SPOCK1: variants seen among roughly 807,000 people sequenced by gnomAD.
SPOCK1 encodes testican-1.
Under a neutral mutation model 55.3 loss-of-function variants are expected in SPOCK1, and 23 were observed. That is an observed-to-expected ratio of 0.42 (90% CI 0.30 to 0.59). The LOEUF (loss-of-function observed/expected upper bound fraction) is 0.59, where lower values mean the gene tolerates loss of function less well. Among genes scored for constraint, SPOCK1 ranks in the 20% least tolerant of loss-of-function variants. The pLI is 0.22. For synonymous variants in SPOCK1, 226 were observed against 221.0 expected (o/e 1.02, Z -0.20); for missense variants, 499 against 552.5 (o/e 0.90, Z 0.97).
chr5:137,239,613 G>C (rs1205874838), intron 3 of SPOCK1, among the ~76,000 whole-genome samples: 1 of 152,058 alleles, frequency 6.6e-6, no homozygotes, highest in East Asian at 1.9e-4. Context: ...TGTCAGAATT[G>C]AACTGAATTG....
chr5:136,986,085 C>A (rs1200881058), intron 8 of SPOCK1, among the ~76,000 whole-genome samples: 5 of 152,146 alleles, frequency 3.3e-5, no homozygotes, highest in Non-Finnish European at 7.3e-5. Flanking sequence ...GCTACCTGGT[C>A]TTGCTGCTTG....
At chr5:136,991,967 T>G (rs1335839444) in intron 7 of SPOCK1, among the ~76,000 whole-genome samples, 1 of 152,210 alleles carries the variant, frequency 6.6e-6, no homozygotes, top group African/African-American at 2.4e-5. Context: ...GTCTGACTAT[T>G]GTACAAAAAG....
intron 2 of SPOCK1, among the ~76,000 whole-genome samples, chr5:137,301,996 T>C (rs925163126): frequency 6.6e-5 from 10 of 152,088 alleles, no homozygotes; most frequent in African/African-American, 2.4e-4. Flanking sequence ...TCTAAAACAA[T>C]GTGCTTTCAA....
At chr5:137,222,386 A>G (rs1755872601) in intron 3 of SPOCK1, among the ~76,000 whole-genome samples, 1 of 152,234 alleles carries the variant, frequency 6.6e-6, no homozygotes, top group South Asian at 2.1e-4. Context: ...CCAGTAGCTA[A>G]TAAGAGCATT....
intron 2 of SPOCK1, among the ~76,000 whole-genome samples, chr5:137,347,486 T>A (rs2127159145): frequency 6.6e-6 from 1 of 152,142 alleles, no homozygotes; most frequent in South Asian, 2.1e-4. Flanking sequence ...TCCCAGCACT[T>A]TGGGAGGCAG....
At chr5:137,330,197 C>CAGT (rs1426167914) in intron 2 of SPOCK1, among the ~76,000 whole-genome samples, 1 of 152,180 alleles carries the variant, frequency 6.6e-6, no homozygotes, top group African/African-American at 2.4e-5. Flanking sequence ...TATCTCCACT[C>CAGT]AGTACCTTTG....
chr5:137,484,563 G>C (rs1249832948), intron 2 of SPOCK1, among the ~76,000 whole-genome samples: 1 of 152,152 alleles, frequency 6.6e-6, no homozygotes, highest in African/African-American at 2.4e-5. Context: ...GATACCCGTG[G>C]CTGGAAAAGT....
At chr5:137,012,550 C>A (rs920558253) in intron 6 of SPOCK1, among the ~76,000 whole-genome samples, 2 of 152,130 alleles carry the variant, frequency 1.3e-5, no homozygotes, top group African/African-American at 4.8e-5. Context: ...GGGGAAGTGA[C>A]ATAACCAGTG....
At chr5:137,135,318 C>A (rs778017728) in intron 4 of SPOCK1, among the ~76,000 whole-genome samples, 2 of 152,124 alleles carry the variant, frequency 1.3e-5, no homozygotes, top group Admixed American at 1.3e-4. Flanking sequence ...CTCTGCCCCA[C>A]GATCTCCCAC....
intron 3 of SPOCK1, among the ~76,000 whole-genome samples, chr5:137,254,415 T>G (rs1357470759): frequency 6.6e-6 from 1 of 152,202 alleles, no homozygotes; most frequent in Non-Finnish European, 1.5e-5. Context: ...AAAAAAAATT[T>G]ATAAACTCCA....
chr5:137,203,840 TCTACTTCATCAATTAATCAAG>T (rs1755471826), intron 3 of SPOCK1, among the ~76,000 whole-genome samples: 1 of 152,222 alleles, frequency 6.6e-6, no homozygotes, highest in Non-Finnish European at 1.5e-5. Context: ...CATAACTGTC[TCTACTTCATCAATTAATCAAG>T]CTGATTGGAG....
intron 2 of SPOCK1, among the ~76,000 whole-genome samples, chr5:137,371,502 C>T (rs1268172555): frequency 6.6e-6 from 1 of 152,208 alleles, no homozygotes; most frequent in East Asian, 1.9e-4. Flanking sequence ...TTCTACAAAG[C>T]AGTTTGCAGT....
At chr5:137,019,365 A>G (rs1215245792) in intron 6 of SPOCK1, among the ~76,000 whole-genome samples, 1 of 152,164 alleles carries the variant, frequency 6.6e-6, no homozygotes, top group Non-Finnish European at 1.5e-5. Context: ...GTATGTGTGT[A>G]TCATGTTATA....
intron 3 of SPOCK1, among the ~76,000 whole-genome samples, chr5:137,258,594 G>C (rs1403415487): frequency 6.6e-6 from 1 of 152,102 alleles, no homozygotes; most frequent in East Asian, 1.9e-4. Flanking sequence ...CCAAACCAAG[G>C]CTGGTTCATT....
intron 2 of SPOCK1, among the ~76,000 whole-genome samples, chr5:137,402,279 T>A (rs981857880): frequency 3.9e-5 from 6 of 152,290 alleles, no homozygotes; most frequent in African/African-American, 1.2e-4. Flanking sequence ...GATACAACCA[T>A]TGTAGATACT....
At chr5:137,392,526 G>C (rs1751747696) in intron 2 of SPOCK1, among the ~76,000 whole-genome samples, 1 of 152,200 alleles carries the variant, frequency 6.6e-6, no homozygotes, top group African/African-American at 2.4e-5. Flanking sequence ...TTACAGTGAA[G>C]GGTTCAGGCT....
At chr5:137,122,124 C>T (rs1235858282) in intron 4 of SPOCK1, among the ~76,000 whole-genome samples, 1 of 151,834 alleles carries the variant, frequency 6.6e-6, no homozygotes, top group Non-Finnish European at 1.5e-5. Context: ...AAGAGAGTGA[C>T]AGAGCACACC....
chr5:137,265,042 G>T (rs1379987608), intron 3 of SPOCK1, among the ~76,000 whole-genome samples: 4 of 152,188 alleles, frequency 2.6e-5, no homozygotes, highest in Non-Finnish European at 5.9e-5. Flanking sequence ...TAGAAAAAGA[G>T]AACAGGATGG....
At chr5:137,390,827 G>T (rs931882546) in intron 2 of SPOCK1, among the ~76,000 whole-genome samples, 3 of 152,150 alleles carry the variant, frequency 2.0e-5, no homozygotes, top group Non-Finnish European at 4.4e-5. Flanking sequence ...CTGCAGTTAG[G>T]GAGTAGCTGG....
Sources: allele counts gnomAD v4.1 joint callset (sites outside exome capture counted in the v4.1 genomes callset), GRCh38; gene constraint gnomAD v4.1.1; transcripts MANE v1.5; gene names NCBI Gene and HGNC (gene_info 2026-07-23, HGNC 2026-07-21).